Variants in FABP12 observed in about 807,000 individuals in gnomAD.
FABP12 encodes the protein fatty acid binding protein 12, also known as fatty acid-binding protein 12.
In FABP12, 19 loss-of-function variants were observed where a neutral mutation model predicts 13.7. The ratio of observed to expected loss-of-function variants is 1.39; its 90% confidence interval spans 0.97 to 2.04. The LOEUF (loss-of-function observed/expected upper bound fraction) is 2.04. Among genes scored for constraint, FABP12 ranks in the 30% most tolerant of loss-of-function variants. FABP12 has a pLI of 0.00. For synonymous variants in FABP12, 61 were observed against 57.0 expected, an observed-to-expected ratio of 1.07 and a Z score of -0.32; for missense variants, 182 against 164.2, an observed-to-expected ratio of 1.11 and a Z score of -0.59.
intron 1 of FABP12, among the ~76,000 whole-genome samples, chr8:81,587,177 G>T (rs1810253029): frequency 6.6e-6 from 1 of 152,146 alleles, no homozygotes; most frequent in Non-Finnish European, 1.5e-5. Flanking sequence ...CCAGTACCAT[G>T]CTTTTTTAGT....
chr8:81,552,838 G>T (rs551607977), intron 1 of FABP12, among the ~76,000 whole-genome samples: 2 of 152,226 alleles, frequency 1.3e-5, no homozygotes, highest in South Asian at 4.1e-4. Context: ...TTTGGGCTTG[G>T]GAAACTGAGA....
intron 1 of FABP12, among the ~76,000 whole-genome samples, chr8:81,556,019 A>G (rs1809608799): frequency 6.6e-6 from 1 of 152,220 alleles, no homozygotes; most frequent in Admixed American, 6.5e-5. Context: ...GTAACAGATC[A>G]TGCTTTTTTA....
chr8:81,560,584 A>T (rs1320943237), intron 1 of FABP12, among the ~76,000 whole-genome samples: 1 of 152,206 alleles, frequency 6.6e-6, no homozygotes, highest in Non-Finnish European at 1.5e-5. Context: ...AGAGGAACAC[A>T]ACTTTGAAAG....
intron 1 of FABP12, among the ~76,000 whole-genome samples, chr8:81,566,763 C>T (rs1367398898): frequency 6.6e-6 from 1 of 152,082 alleles, no homozygotes; most frequent in Non-Finnish European, 1.5e-5. Context: ...CAAGGATACC[C>T]ACTGTCCCCA....
intron 1 of FABP12, among the ~76,000 whole-genome samples, chr8:81,579,470 C>A (rs905743245): frequency 6.6e-6 from 1 of 152,108 alleles, no homozygotes; most frequent in Non-Finnish European, 1.5e-5. Flanking sequence ...ATTTTCCCAG[C>A]CATGTCATAA....
chr8:81,585,580 A>G (rs114850529), intron 1 of FABP12, among the ~76,000 whole-genome samples: 2,640 of 152,274 alleles, frequency 0.017, 60 homozygotes, highest in African/African-American at 0.057. Flanking sequence ...TTGTGGTTCC[A>G]TATAAATTTT....
chr8:81,572,350 CATTG>C (rs1243024908), intron 1 of FABP12, among the ~76,000 whole-genome samples: 4 of 152,144 alleles, frequency 2.6e-5, no homozygotes, highest in Non-Finnish European at 2.9e-5. Flanking sequence ...TTTATCCACT[CATTG>C]ATTGATGGGC....
intron 1 of FABP12, among the ~76,000 whole-genome samples, chr8:81,557,441 C>T (rs890326995): frequency 2.0e-5 from 3 of 152,052 alleles, no homozygotes; most frequent in African/African-American, 4.8e-5. Flanking sequence ...GTTTCCTATC[C>T]CTTCATCATT....
chr8:81,537,507 C>T (rs1222637562), upstream of FABP12, among the ~76,000 whole-genome samples: 1 of 152,042 alleles, frequency 6.6e-6, no homozygotes, highest in East Asian at 1.9e-4. Context: ...AAAAAATTTA[C>T]AGTGGCTTTT....
intron 1 of FABP12, among the ~76,000 whole-genome samples, chr8:81,568,698 T>A (rs1809872035): frequency 6.6e-6 from 1 of 152,194 alleles, no homozygotes; most frequent in African/African-American, 2.4e-5. Context: ...TGCAGCACTA[T>A]CCACAATTGC....
At position 81,560,161 on chromosome 8, in the gene FABP12, C is replaced by T. The variant is rs181365792; in HGVS notation, c.-184-20418G>A. On this transcript the variant is annotated intron_variant, in intron 1 of 5. Transcript: ENST00000692030. Reference sequence around the variant, plus strand: ...GCAATGGTCTCCAGGTACAATGAGACGAAGACTTACAATAAAGAATGTCAA... The same window carrying T: ...GCAATGGTCTCCAGGTACAATGAGATGAAGACTTACAATAAAGAATGTCAA... Among the ~76,000 whole-genome samples, 59 of 152,140 alleles carry T rather than the reference C, an allele frequency of 3.9e-4. No homozygotes were observed. The East Asian group carries it at 9.1e-3, about 23-fold the overall frequency.
chr8:81,538,344 T>C (rs1035022031), upstream of FABP12, among the ~76,000 whole-genome samples: 2 of 152,160 alleles, frequency 1.3e-5, no homozygotes, highest in Non-Finnish European at 2.9e-5. Context: ...TTGAACTGTG[T>C]CCACCACAAA....
intron 1 of FABP12, among the ~76,000 whole-genome samples, chr8:81,580,137 C>G (rs144688670): frequency 2.6e-5 from 4 of 152,164 alleles, no homozygotes; most frequent in African/African-American, 4.8e-5. Flanking sequence ...CCATCAAGCA[C>G]CTAAACAAAT....
chr8:81,546,531 C>T (rs1809436816), intron 1 of FABP12, among the ~76,000 whole-genome samples: 1 of 150,340 alleles, frequency 6.7e-6, no homozygotes, highest in East Asian at 1.9e-4. Context: ...GGTGTGGTGG[C>T]GGGCGCCTAT....
upstream of FABP12, among the ~76,000 whole-genome samples, chr8:81,538,235 C>T (rs1809270948): frequency 6.6e-6 from 1 of 152,180 alleles, no homozygotes; most frequent in Admixed American, 6.5e-5. Context: ...GACCTAAACA[C>T]CTCCCACCAG....
At chr8:81,542,100 C>T (rs1809359829) in intron 1 of FABP12, among the ~76,000 whole-genome samples, 1 of 151,930 alleles carries the variant, frequency 6.6e-6, no homozygotes, top group Non-Finnish European at 1.5e-5. Context: ...CCTACTGACT[C>T]TGTAAAGACA....
Position 81,578,823 on chromosome 8 carries a change from G to GTTTCTTTT in FABP12, c.-185+11229_-185+11230insAAAAGAAA, listed in dbSNP as rs71268012. Among the ~76,000 whole-genome samples the GTTTCTTTT allele has an allele frequency of 2.2e-3, 237 of 105,624 alleles. 22 individuals are homozygous for GTTTCTTTT. The highest frequency in any genetic ancestry group is 2.7e-3 in the East Asian group (9 of 3,332). The allele number at this position is 105,624 out of a possible 152,430, so 69.3% of individuals were successfully genotyped here. A position where few individuals can be genotyped will look rare whatever the true frequency, so the allele number is the denominator to read the frequency against. On this transcript the variant is annotated intron_variant, in intron 1 of 5. Coordinates refer to the FABP12 transcript ENST00000692030. The stretch of plus-strand genomic sequence containing the variant: ...TACAGAATCTGACACATTTGTTCAA[G>GTTTCTTTT]TTTTTTTTTTTTTTTTTTTGAGAAG...
chr8:81,575,650 T>C (rs1810030928), intron 1 of FABP12, among the ~76,000 whole-genome samples: 1 of 152,226 alleles, frequency 6.6e-6, no homozygotes, highest in South Asian at 2.1e-4. Flanking sequence ...GTTAGCTGTA[T>C]ATATGTTTAG....
upstream of FABP12, among the ~76,000 whole-genome samples, chr8:81,536,588 A>G (rs990017494): frequency 2.0e-5 from 3 of 152,228 alleles, no homozygotes; most frequent in African/African-American, 7.2e-5. Flanking sequence ...GATCCCTAGG[A>G]TAGGTCTTTC....
Sources: allele counts gnomAD v4.1 joint callset (sites outside exome capture counted in the v4.1 genomes callset), GRCh38; gene constraint gnomAD v4.1.1; transcripts MANE v1.5; gene names NCBI Gene and HGNC (gene_info 2026-07-23, HGNC 2026-07-21).